NLK: variants seen among roughly 807,000 people sequenced by gnomAD.
NLK encodes nemo like kinase.
Under a neutral mutation model 59.0 loss-of-function variants are expected in NLK, and 11 were observed. The observed-to-expected ratio is 0.19, with a 90% CI of 0.12 to 0.31. The LOEUF (loss-of-function observed/expected upper bound fraction) is 0.31, where lower values mean the gene tolerates loss of function less well. Among genes scored for constraint, NLK ranks in the 10% least tolerant of loss-of-function variants. The probability of loss-of-function intolerance (pLI) is 1.00; values close to 1 mark genes in which losing one functional copy is unlikely to be tolerated. For missense variants in NLK, 410 were observed against 661.1 expected, an observed-to-expected ratio of 0.62 and a Z score of 4.16; for synonymous variants, 235 against 235.9, an observed-to-expected ratio of 1.00 and a Z score of 0.03.
At chr17:28,111,902 T>TGTGTGTG (rs1905529000) in intron 1 of NLK, among the ~76,000 whole-genome samples, 1 of 96,330 alleles carries the variant, frequency 1.0e-5, no homozygotes, top group South Asian at 3.1e-4. Context: ...GTGTGGTGTG[T>TGTGTGTG]GTGTGTGTGT....
At chr17:28,056,792 C>G (rs1304798268) in intron 1 of NLK, among the ~76,000 whole-genome samples, 1 of 151,954 alleles carries the variant, frequency 6.6e-6, no homozygotes, top group Non-Finnish European at 1.5e-5. Context: ...TCCAATGTAA[C>G]TAAGTTGTAT....
chr17:28,081,861 TCTC>T (rs1023063564), intron 1 of NLK, among the ~76,000 whole-genome samples: 1 of 152,182 alleles, frequency 6.6e-6, no homozygotes, highest in African/African-American at 2.4e-5. Context: ...AAGGGACACT[TCTC>T]CTCTCTGAAA....
chr17:28,074,000 A>G (rs1423334476), intron 1 of NLK, among the ~76,000 whole-genome samples: 1 of 152,278 alleles, frequency 6.6e-6, no homozygotes, highest in Non-Finnish European at 1.5e-5. Context: ...TAGGACTGTT[A>G]TAACTTAATT....
intron 2 of NLK, among the ~76,000 whole-genome samples, chr17:28,132,064 T>C (rs1906541348): frequency 6.6e-6 from 1 of 152,136 alleles, no homozygotes; most frequent in African/African-American, 2.4e-5. Context: ...AATTCTAGAG[T>C]AGTGTTACTT....
intron 2 of NLK, among the ~76,000 whole-genome samples, chr17:28,131,873 C>T (rs1217288197): frequency 6.6e-6 from 1 of 152,082 alleles, no homozygotes; most frequent in Non-Finnish European, 1.5e-5. Context: ...ATCAAAAATG[C>T]TTAGTATGAT....
intron 1 of NLK, among the ~76,000 whole-genome samples, chr17:28,096,461 T>A (rs544043829): frequency 6.6e-6 from 1 of 152,278 alleles, no homozygotes; most frequent in Non-Finnish European, 1.5e-5. Flanking sequence ...TTTTTTATCC[T>A]CCTACAATAT....
rs144805530 is a variant in NLK, at chr17:28,135,183, A to G, written c.644+2508A>G. On this transcript the variant is annotated intron_variant, in intron 3 of 10. Transcript: ENST00000407008. The stretch of plus-strand genomic sequence containing the variant: ...GAAACCAAACCTTAAAATTAGAAGA[A>G]ATTTCCTTTATTAAATATGAATTTT... 4.2e-3 allele frequency among the ~76,000 whole-genome samples: 638 copies of G among 152,292 alleles called. 5 individuals carry two copies. Among genetic ancestry groups the G allele is most frequent in the Middle Eastern group, 0.01 (3 of 294 alleles).
intron 1 of NLK, chr17:28,116,107 T>C (rs1053366800): frequency 6.6e-6 from 1 of 152,226 alleles, no homozygotes; most frequent in African/African-American, 2.4e-5. Flanking sequence ...ATTTTATTTA[T>C]AACTAATTCT....
chr17:28,205,399 C>T, the NLK span, among the ~76,000 whole-genome samples: 11 of 152,152 alleles, frequency 7.2e-5, no homozygotes, highest in South Asian at 1.9e-3. Flanking sequence ...ACACAGATTT[C>T]AGGGGTGGTT....
chr17:28,088,339 A>C (rs1333715662), intron 1 of NLK, among the ~76,000 whole-genome samples: 1 of 152,172 alleles, frequency 6.6e-6, no homozygotes, highest in African/African-American at 2.4e-5. Context: ...TTAATTTGTT[A>C]AGGTTTGCAA....
intron 1 of NLK, among the ~76,000 whole-genome samples, chr17:28,113,384 A>G (rs978761522): frequency 6.6e-6 from 1 of 152,220 alleles, no homozygotes; most frequent in Non-Finnish European, 1.5e-5. Flanking sequence ...TAAAGGAATA[A>G]AAGAATGACT....
At chr17:28,108,046 C>CA (rs1329948135) in intron 1 of NLK, among the ~76,000 whole-genome samples, 1 of 152,010 alleles carries the variant, frequency 6.6e-6, no homozygotes, top group Non-Finnish European at 1.5e-5. Context: ...CCAGCCTGGC[C>CA]AACATGGTGA....
intron 3 of NLK, among the ~76,000 whole-genome samples, chr17:28,149,038 T>C (rs1306779344): frequency 6.6e-6 from 1 of 152,230 alleles, no homozygotes; most frequent in Non-Finnish European, 1.5e-5. Context: ...ATGTCCATTT[T>C]ATTTTTATTA....
At chr17:28,121,056 A>G (rs1361957407) in intron 1 of NLK, among the ~76,000 whole-genome samples, 1 of 152,142 alleles carries the variant, frequency 6.6e-6, no homozygotes, top group Non-Finnish European at 1.5e-5. Context: ...TTAGAAAGAG[A>G]CATTAATGTC....
Position 28,109,368 on chromosome 17 carries a change from C to A in NLK, c.459-13235C>A, listed in dbSNP as rs139705134. ...ATATTCTATGGTGATGATTTTTGTT[C>A]TAACAACTTTATTGAGGCATAATTT... On this transcript the variant is annotated intron_variant, in intron 1 of 10. Transcript: ENST00000407008. Among the ~76,000 whole-genome samples, 610 of 152,208 alleles carry A rather than the reference C, an allele frequency of 4.0e-3. 7 individuals are homozygous for A. The highest frequency in any genetic ancestry group is 0.014 in the African/African-American group (587 of 41,522).
intron 8 of NLK, 149 bp from the exon 9 acceptor site, chr17:28,190,872 C>T (rs758117363): frequency 3.5e-6 from 2 of 563,714 alleles, no homozygotes; most frequent in African/African-American, 3.8e-5. Context: ...ATGTTACCCA[C>T]CTCTAAATTC....
intron 3 of NLK, among the ~76,000 whole-genome samples, chr17:28,146,676 T>G (rs940917072): frequency 3.3e-5 from 5 of 152,216 alleles, no homozygotes; most frequent in Admixed American, 1.3e-4. Context: ...TGTTAACTCC[T>G]TATTTTAAAA....
intron 1 of NLK, among the ~76,000 whole-genome samples, chr17:28,082,781 A>G (rs1910391474): frequency 6.6e-6 from 1 of 152,234 alleles, no homozygotes; most frequent in African/African-American, 2.4e-5. Flanking sequence ...AACACTGAGG[A>G]AATAACATGT....
At chr17:28,179,919 T>G (rs774874848) in intron 7 of NLK, among the ~76,000 whole-genome samples, 1 of 150,742 alleles carries the variant, frequency 6.6e-6, no homozygotes, top group Non-Finnish European at 1.5e-5. Context: ...TTGATTCTAT[T>G]GCACTTAAGA....
Sources: allele counts gnomAD v4.1 joint callset (sites outside exome capture counted in the v4.1 genomes callset), GRCh38; gene constraint gnomAD v4.1.1; transcripts MANE v1.5; gene names NCBI Gene and HGNC (gene_info 2026-07-23, HGNC 2026-07-21).